Variants in PPFIA2 observed in about 807,000 individuals in gnomAD.
The protein encoded by PPFIA2 is liprin-alpha-2.
PPFIA2 carries 46 observed loss-of-function variants against 175.5 expected under a neutral mutation model. The ratio of observed to expected loss-of-function variants is 0.26; its 90% CI spans 0.21 to 0.34. PPFIA2 has a LOEUF of 0.34. Among genes scored for constraint, PPFIA2 ranks in the 10% least tolerant of loss-of-function variants. The pLI, the probability that PPFIA2 is intolerant of heterozygous loss-of-function variation, is 1.00. For missense variants in PPFIA2, 1,179 were observed against 1,506.1 expected (o/e 0.78, Z 3.60); for synonymous variants, 568 against 511.4 (o/e 1.11, Z -1.49).
intron 7 of PPFIA2, among the ~76,000 whole-genome samples, chr12:81,428,618 A>T (rs1374324342): frequency 1.3e-5 from 2 of 152,030 alleles, no homozygotes; most frequent in Non-Finnish European, 2.9e-5. Flanking sequence ...GATAATCAAG[A>T]GGTACAATAA....
At chr12:81,406,764 AT>A (rs1789193819) in intron 7 of PPFIA2, among the ~76,000 whole-genome samples, 1 of 152,138 alleles carries the variant, frequency 6.6e-6, no homozygotes, top group Admixed American at 6.6e-5. Context: ...ATCAACTCAG[AT>A]AGTAGTCAAT....
rs1040334825 is a variant in PPFIA2 at position 81,676,838 on chromosome 12, C to T, written c.256G>A (p.Glu86Lys). Reference protein sequence around the residue: ...QLNSALPQDIESLTGGLAGSK... With the variant: ...QLNSALPQDIKSLTGGLAGSK... ...CCAGCCAGCCCTCCTGTTAGGGATT[C>T]GATATCCTGAAAAGGGGAGAGGTGT... Residue 86 changes from glutamate (E) to lysine (K), a missense_variant, in exon 4 of 33, where the codon GAA becomes AAA. Coordinates refer to ENST00000549396, the MANE Select transcript of PPFIA2 (RefSeq NM_003625.5). 1.0e-5 allele frequency: 16 copies of T among 1,564,778 alleles called. No individual in the cohort carries two copies. Among genetic ancestry groups the T allele is most frequent in the African/African-American group, 2.8e-5 (2 of 72,128 alleles).
intron 21 of PPFIA2, among the ~76,000 whole-genome samples, chr12:81,331,321 A>C (rs1006888752): frequency 2.0e-5 from 3 of 152,210 alleles, no homozygotes; most frequent in African/African-American, 7.2e-5. Flanking sequence ...CTAGGTGTGT[A>C]GGTGGCTATT....
intron 28 of PPFIA2, among the ~76,000 whole-genome samples, chr12:81,277,108 C>G (rs1167916403): frequency 1.3e-5 from 2 of 152,078 alleles, no homozygotes; most frequent in African/African-American, 4.8e-5. Flanking sequence ...CTCAAGATTA[C>G]TCCCCAAATG....
At chr12:81,285,022 T>C (rs2042961477) in intron 24 of PPFIA2, among the ~76,000 whole-genome samples, 1 of 152,190 alleles carries the variant, frequency 6.6e-6, no homozygotes, top group Non-Finnish European at 1.5e-5. Context: ...GATACCATTA[T>C]AGAGAAGAAC....
intron 8 of PPFIA2, among the ~76,000 whole-genome samples, chr12:81,400,721 TA>T (rs1205590582): frequency 1.3e-5 from 2 of 152,090 alleles, no homozygotes; most frequent in Non-Finnish European, 2.9e-5. Flanking sequence ...AGCAACAACT[TA>T]AAAAAGGAAG....
At chr12:81,523,821 T>C (rs1334243061) in intron 4 of PPFIA2, among the ~76,000 whole-genome samples, 1 of 152,204 alleles carries the variant, frequency 6.6e-6, no homozygotes, top group Non-Finnish European at 1.5e-5. Flanking sequence ...CTGCTAAACC[T>C]TGGTCACAGT....
At chr12:81,536,318 A>G (rs4842299) in intron 4 of PPFIA2, among the ~76,000 whole-genome samples, 20,139 of 151,626 alleles carry the variant, frequency 0.13, 1,379 homozygotes, top group Middle Eastern at 0.19. Flanking sequence ...ACATACTCAT[A>G]AATACTTAAT....
chr12:81,574,093 A>G (rs567432826), intron 4 of PPFIA2, among the ~76,000 whole-genome samples: 87 of 151,988 alleles, frequency 5.7e-4, no homozygotes, highest in African/African-American at 2.1e-3. Context: ...TAATGTAACA[A>G]TACAAAAATA....
chr12:81,419,191 T>C (rs1256511193), intron 7 of PPFIA2, among the ~76,000 whole-genome samples: 1 of 152,042 alleles, frequency 6.6e-6, no homozygotes, highest in African/African-American at 2.4e-5. Context: ...CTGATTAAGA[T>C]TATGATTTGT....
At chr12:81,743,445 A>AAAAAAAG in intron 3 of PPFIA2, among the ~76,000 whole-genome samples, 1 of 131,086 alleles carries the variant, frequency 7.6e-6, no homozygotes, top group Non-Finnish European at 1.6e-5. Flanking sequence ...AAAAAAAAAA[A>AAAAAAAG]CTTTTGCTGT....
intron 4 of PPFIA2, among the ~76,000 whole-genome samples, chr12:81,543,796 T>G (rs2066575319): frequency 6.6e-6 from 1 of 152,174 alleles, no homozygotes; most frequent in Non-Finnish European, 1.5e-5. Flanking sequence ...GTACTCTTCA[T>G]ATGATGTGAT....
At chr12:81,497,537 T>TC (rs1274561132) in intron 4 of PPFIA2, among the ~76,000 whole-genome samples, 13 of 144,960 alleles carry the variant, frequency 9.0e-5, no homozygotes, top group East Asian at 2.0e-4. Context: ...TGTCTTTTTT[T>TC]TTTTTTTTTT....
chr12:81,318,103 G>C (rs545401256), intron 22 of PPFIA2, among the ~76,000 whole-genome samples: 1 of 151,608 alleles, frequency 6.6e-6, no homozygotes, highest in Non-Finnish European at 1.5e-5. Flanking sequence ...TAAAGAACAC[G>C]TTTGGTTGTT....
At chr12:81,657,664 A>G (rs768097900) in intron 4 of PPFIA2, among the ~76,000 whole-genome samples, 142 of 152,320 alleles carry the variant, frequency 9.3e-4, no homozygotes, top group East Asian at 7.7e-4. Flanking sequence ...AAATTTGGCA[A>G]TTAAATGCAA....
chr12:81,752,819 G>A (rs1411779464), intron 3 of PPFIA2, among the ~76,000 whole-genome samples: 1 of 152,082 alleles, frequency 6.6e-6, no homozygotes, highest in African/African-American at 2.4e-5. Context: ...GTCTTTTAAG[G>A]AGCGGGCCAA....
chr12:81,613,994 C>T (rs1452644503), intron 4 of PPFIA2, among the ~76,000 whole-genome samples: 1 of 152,038 alleles, frequency 6.6e-6, no homozygotes, highest in Non-Finnish European at 1.5e-5. Context: ...ATTTTGGTGA[C>T]TGAATGAACA....
intron 4 of PPFIA2, among the ~76,000 whole-genome samples, chr12:81,624,005 C>T (rs569684029): frequency 3.0e-4 from 45 of 151,556 alleles, no homozygotes; most frequent in Non-Finnish European, 5.9e-4. Flanking sequence ...ACGTTTTTTG[C>T]AATTAATCTG....
At chr12:81,634,809 T>G (rs2063799279) in intron 4 of PPFIA2, among the ~76,000 whole-genome samples, 1 of 152,044 alleles carries the variant, frequency 6.6e-6, no homozygotes, top group Admixed American at 6.5e-5. Context: ...TGCTTGTTTT[T>G]TTCTTCTTTT....
Sources: gnomAD v4.1 joint callset for allele counts (sites outside exome capture counted in the v4.1 genomes callset) on GRCh38, gnomAD v4.1.1 for gene constraint, MANE v1.5 for transcripts, NCBI Gene and HGNC (gene_info 2026-07-23, HGNC 2026-07-21) for gene names.